EGF: variants seen among roughly 807,000 people sequenced by gnomAD.
The protein encoded by EGF is epidermal growth factor.
EGF carries 95 observed loss-of-function variants against 143.8 expected under a neutral mutation model. The ratio of observed to expected loss-of-function variants is 0.66; its 90% CI spans 0.56 to 0.78. The LOEUF is 0.78. Among genes scored for constraint, EGF ranks in the 30% least tolerant of loss-of-function variants. EGF has a pLI of 0.00. For synonymous variants in EGF, 510 were observed against 510.5 expected (o/e 1.00, Z 0.01); for missense variants, 1,320 against 1,470.9 (o/e 0.90, Z 1.68).
chr4:109,962,784 G>A (rs1014469125), intron 8 of EGF, among the ~76,000 whole-genome samples: 11 of 152,104 alleles, frequency 7.2e-5, no homozygotes, highest in African/African-American at 2.7e-4. Flanking sequence ...ATCAACATAT[G>A]GGCTGAGTGC....
chr4:109,989,949 A>G (rs1277095585), intron 18 of EGF, among the ~76,000 whole-genome samples: 3 of 152,000 alleles, frequency 2.0e-5, no homozygotes, highest in Admixed American at 6.5e-5. Context: ...CCCCATATAT[A>G]TATGTAGTTA....
intron 10 of EGF, among the ~76,000 whole-genome samples, chr4:109,966,712 T>A (rs932744952): frequency 6.6e-6 from 1 of 152,194 alleles, no homozygotes; most frequent in African/African-American, 2.4e-5. Flanking sequence ...TGCTGTTTTT[T>A]AACTTTTTAA....
At chr4:109,954,086 C>T (rs1265647535) in intron 5 of EGF, among the ~76,000 whole-genome samples, 1 of 152,200 alleles carries the variant, frequency 6.6e-6, no homozygotes, top group Admixed American at 6.5e-5. Context: ...GAGTCTCGCT[C>T]TGTCACCCAT....
At chr4:109,942,946 C>T (rs913598959) in intron 2 of EGF, among the ~76,000 whole-genome samples, 5 of 152,152 alleles carry the variant, frequency 3.3e-5, no homozygotes, top group Non-Finnish European at 7.4e-5. Context: ...CAAAATTTCA[C>T]CATTACTATA....
intron 5 of EGF, among the ~76,000 whole-genome samples, chr4:109,956,614 T>A (rs1744832711): frequency 6.6e-6 from 1 of 152,192 alleles, no homozygotes; most frequent in Non-Finnish European, 1.5e-5. Context: ...TTGCTTAAAA[T>A]TTTGATAGTT....
chr4:109,928,704 G>T (rs1309946715), intron 1 of EGF, among the ~76,000 whole-genome samples: 1 of 152,106 alleles, frequency 6.6e-6, no homozygotes, highest in Non-Finnish European at 1.5e-5. Context: ...TCTGCTATTT[G>T]TCGTGTGATG....
intron 1 of EGF, among the ~76,000 whole-genome samples, chr4:109,931,592 T>C (rs904971120): frequency 6.6e-6 from 1 of 152,182 alleles, no homozygotes; most frequent in Admixed American, 6.5e-5. Flanking sequence ...AATTTCCTCT[T>C]AATTAGATCC....
At chr4:109,917,457 G>C (rs377750973) in intron 1 of EGF, among the ~76,000 whole-genome samples, 14 of 151,842 alleles carry the variant, frequency 9.2e-5, no homozygotes, top group African/African-American at 3.4e-4. Flanking sequence ...TCCTTGGGTA[G>C]TATGGTTGGT....
chr4:109,970,499 G>A (rs1320531880), intron 11 of EGF, among the ~76,000 whole-genome samples: 2 of 152,052 alleles, frequency 1.3e-5, no homozygotes, highest in East Asian at 3.9e-4. Context: ...TATGCTTGGG[G>A]GTAGGCATTT....
chr4:109,973,992 T>C (rs11568988), intron 11 of EGF, among the ~76,000 whole-genome samples: 36 of 152,110 alleles, frequency 2.4e-4, no homozygotes, highest in African/African-American at 8.7e-4. Flanking sequence ...AAAAATTAAA[T>C]TAAATTAAAA....
Position 109,913,446 on chromosome 4 carries a change from G to T in EGF, c.111G>T (p.Gly37=). ...CTGAAGGTACTCTCGCAGGAAATGGGAATTCTACTTGTGTGGGTAAGTACT... is the reference window on the plus strand; with the variant it reads ...CTGAAGGTACTCTCGCAGGAAATGGTAATTCTACTTGTGTGGGTAAGTACT... ...SCPEGTLAGN[G]NSTCVGPAPF... The change falls in exon 1 of 24, where the codon GGG becomes GGT. Residue 37 remains glycine, a synonymous_variant. Coordinates refer to ENST00000265171, the MANE Select transcript of EGF (RefSeq NM_001963.6). 6.2e-7 allele frequency: 1 copy of T among 1,613,784 alleles called. No individual in the cohort carries two copies. Among genetic ancestry groups the T allele is most frequent in the South Asian group, 1.1e-5 (1 of 91,046 alleles).
intron 1 of EGF, among the ~76,000 whole-genome samples, chr4:109,931,937 TA>T (rs1297908013): frequency 1.3e-5 from 2 of 152,230 alleles, no homozygotes; most frequent in African/African-American, 4.8e-5. Flanking sequence ...ATAACTACTC[TA>T]TTTTTTTGAA....
chr4:109,968,800 C>T, intron 10 of EGF, 171 bp from the exon 11 acceptor site: 1 of 704,306 alleles, frequency 1.4e-6, no homozygotes, highest in East Asian at 2.8e-5. Flanking sequence ...AAATAACTTG[C>T]TTAAGGTTAC....
chr4:110,004,369 A>G (rs1005460901), intron 21 of EGF, 136 bp from the exon 22 acceptor site: 8 of 794,302 alleles, frequency 1.0e-5, no homozygotes, highest in Non-Finnish European at 9.0e-6. Context: ...GTTCCTAGTT[A>G]TCTTCATATT....
intron 1 of EGF, among the ~76,000 whole-genome samples, chr4:109,927,775 A>G (rs904538668): frequency 6.7e-6 from 1 of 150,138 alleles, no homozygotes; most frequent in African/African-American, 2.5e-5. Flanking sequence ...AACTCAGTAG[A>G]CAGATCAGGA....
intron 13 of EGF, chr4:109,977,574 C>T (rs1578323249): frequency 6.7e-6 from 1 of 149,096 alleles, no homozygotes; most frequent in African/African-American, 2.5e-5. Flanking sequence ...CATGGTGGCT[C>T]ACACCTGTAA....
At chr4:109,954,648 G>A (rs568456907) in intron 5 of EGF, among the ~76,000 whole-genome samples, 3 of 152,112 alleles carry the variant, frequency 2.0e-5, no homozygotes, top group African/African-American at 7.2e-5. Context: ...AACAAATGAA[G>A]CAAAAATATA....
Position 109,960,947 on chromosome 4 carries a change from C to T in EGF, c.1147C>T (p.Pro383Ser). 6.2e-7 allele frequency: 1 copy of T among 1,613,776 alleles called. No individual in the cohort carries two copies. Among genetic ancestry groups the T allele is most frequent in the South Asian group, 1.1e-5 (1 of 91,066 alleles). The change falls in exon 7 of 24, where the codon CCT becomes TCT. Residue 383 changes from proline to serine, a missense_variant. By Grantham distance (74) the Pro-to-Ser change is moderately conservative. Around this residue, in one of 5 missense-constraint regions of EGF, gnomAD observed 1,186 missense variants for 1,313.7 expected, o/e 0.90. Coordinates refer to ENST00000265171, the MANE Select transcript of EGF (RefSeq NM_001963.6). ...CCCTGGATCCTATTACTGCACGTGC[C>T]CTGTAGGATTTGTTCTGCTTCCTGA... ...NTPGSYYCTC[P>S]VGFVLLPDGK...
Position 109,913,346 on chromosome 4 carries a change from C to T in EGF, c.11C>T (p.Thr4Ile), listed in dbSNP as rs779926869. The change falls in exon 1 of 24, where the codon ACT becomes ATT. Residue 4 changes from threonine to isoleucine, a missense_variant. Around this residue, in one of 5 missense-constraint regions of EGF, gnomAD observed 79 missense variants for 71.2 expected, o/e 1.11. Transcript: ENST00000265171. Reference protein sequence around the residue: MLLTLIILLPVVSK... With the variant: MLLILIILLPVVSK... The stretch of plus-strand genomic sequence containing the variant: ...AAACTCATCAAGATTATGCTGCTCA[C>T]TCTTATCATTCTGTTGCCAGTAGTT... 8.7e-6 allele frequency: 14 copies of T among 1,613,768 alleles called. No individual in the cohort carries two copies. The South Asian group carries it at 1.1e-4, about 13-fold the overall frequency.
Sources: gnomAD v4.1 joint callset for allele counts (sites outside exome capture counted in the v4.1 genomes callset) on GRCh38, gnomAD v4.1.1 for gene constraint, gnomAD v4.1.1 regional missense constraint, MANE v1.5 for transcripts, NCBI Gene and HGNC (gene_info 2026-07-23, HGNC 2026-07-21) for gene names.